Variants in ANKH observed in about 807,000 individuals in gnomAD.
ANKH encodes ANKH inorganic pyrophosphate transport regulator, also known as mineralization regulator ANKH.
A neutral mutation model predicts 49.0 loss-of-function variants in ANKH; 15 were observed. The observed-to-expected ratio is 0.31, with a 90% CI of 0.20 to 0.47. ANKH has a LOEUF of 0.47. Ranked by LOEUF, ANKH falls within the 20% of genes least tolerant of loss-of-function variation. ANKH has a pLI of 1.00. For missense variants in ANKH, 429 were observed against 652.0 expected (o/e 0.66, Z 3.72); for synonymous variants, 273 against 260.0 (o/e 1.05, Z -0.48).
chr5:14,848,669 T>C (rs1742038606), intron 1 of ANKH, among the ~76,000 whole-genome samples: 1 of 152,188 alleles, frequency 6.6e-6, no homozygotes. Flanking sequence ...CCTGTGCAGC[T>C]AAGTGCCTGG....
intron 8 of ANKH, among the ~76,000 whole-genome samples, chr5:14,731,251 G>T (rs1460831646): frequency 6.6e-6 from 1 of 152,142 alleles, no homozygotes; most frequent in African/African-American, 2.4e-5. Flanking sequence ...CGGGCTGAAG[G>T]GGCAGCCTGG....
At chr5:14,798,544 A>T (rs964827741) in intron 1 of ANKH, 2 of 640,798 alleles carry the variant, frequency 3.1e-6, no homozygotes, top group African/African-American at 3.7e-5. Context: ...GTGTCAAGCA[A>T]GTCTATTGGC....
At chr5:14,738,755 A>T (rs1265163873) in intron 8 of ANKH, among the ~76,000 whole-genome samples, 5 of 152,116 alleles carry the variant, frequency 3.3e-5, no homozygotes, top group Non-Finnish European at 5.9e-5. Flanking sequence ...CAGTTAAAAA[A>T]AAAAACCCAA....
chr5:14,752,889 A>C (rs138920862), intron 4 of ANKH, among the ~76,000 whole-genome samples: 1 of 152,300 alleles, frequency 6.6e-6, no homozygotes, highest in Non-Finnish European at 1.5e-5. Flanking sequence ...AGTGAGTAGA[A>C]GCCACCCTCC....
In ANKH at chr5:14,742,287, T is replaced by A. The variant is rs559889467; in HGVS notation, c.916-365A>T. The stretch of plus-strand genomic sequence containing the variant: ...ACCCTGTGCCTGGCCACCATCGGCA[T>A]CTCCCTAAATGCCATGGCCCTGCTC... On this transcript the variant is annotated intron_variant, in intron 7 of 11. Coordinates refer to ENST00000284268, the MANE Select transcript of ANKH (RefSeq NM_054027.6). 6.6e-4 allele frequency among the ~76,000 whole-genome samples: 100 copies of A among 152,268 alleles called. 2 individuals carry two copies. The highest frequency in any genetic ancestry group is 3.3e-4 in the Admixed American group (5 of 15,306).
intron 1 of ANKH, 33 bp downstream of exon 1, chr5:14,871,319 C>T (rs1267521893): frequency 1.3e-6 from 2 of 1,590,832 alleles, no homozygotes; most frequent in East Asian, 2.2e-5. Flanking sequence ...CAAGGCAGGG[C>T]GAGCGGGCGT....
At chr5:14,810,307 G>A (rs370083094) in intron 1 of ANKH, among the ~76,000 whole-genome samples, 4 of 151,930 alleles carry the variant, frequency 2.6e-5, no homozygotes, top group East Asian at 1.9e-4. Context: ...ACAGGCGCCC[G>A]CCACCAGGCC....
intron 1 of ANKH, among the ~76,000 whole-genome samples, chr5:14,850,868 G>C (rs1410553625): frequency 6.6e-6 from 1 of 152,044 alleles, no homozygotes; most frequent in Non-Finnish European, 1.5e-5. Flanking sequence ...AGCCCTCATC[G>C]AGTTTTTTTT....
intron 1 of ANKH, among the ~76,000 whole-genome samples, chr5:14,861,576 C>T (rs761782051): frequency 3.3e-5 from 5 of 152,172 alleles, no homozygotes; most frequent in African/African-American, 9.7e-5. Flanking sequence ...GTGGCAGTGC[C>T]TGTCACCTCC....
chr5:14,781,883 CA>C (rs1410929450), intron 1 of ANKH, among the ~76,000 whole-genome samples: 1 of 152,170 alleles, frequency 6.6e-6, no homozygotes, highest in African/African-American at 2.4e-5. Context: ...GTTAACATCT[CA>C]AGATTCTGTC....
At chr5:14,819,886 C>A (rs1205071989) in intron 1 of ANKH, among the ~76,000 whole-genome samples, 1 of 133,432 alleles carries the variant, frequency 7.5e-6, no homozygotes, top group Non-Finnish European at 1.6e-5. Flanking sequence ...ACAACAACAA[C>A]AACAACAAAA....
At chr5:14,767,761 T>C (rs826188) in intron 2 of ANKH, among the ~76,000 whole-genome samples, 66,850 of 152,014 alleles carry the variant, frequency 0.44, 15,120 homozygotes, top group Admixed American at 0.49. Context: ...GGAAGCCCCT[T>C]ATTTTACAAA....
chr5:14,868,284 A>G (rs1308362748), intron 1 of ANKH: 2 of 152,236 alleles, frequency 1.3e-5, no homozygotes, highest in Non-Finnish European at 2.9e-5. Flanking sequence ...GATATTTATC[A>G]TCATAAAACA....
chr5:14,716,924 T>C, intron 8 of ANKH, 89 bp from the exon 9 acceptor site: 1 of 1,553,264 alleles, frequency 6.4e-7, no homozygotes, highest in Middle Eastern at 1.7e-4. Context: ...CCTTGGAGAG[T>C]TACGAAAGAG....
chr5:14,801,283 C>T (rs1740560052), intron 1 of ANKH, among the ~76,000 whole-genome samples: 1 of 152,050 alleles, frequency 6.6e-6, no homozygotes, highest in Non-Finnish European at 1.5e-5. Context: ...CCTTAAATTC[C>T]CTATGACCTC....
chr5:14,750,470 T>C (rs1409389680), intron 5 of ANKH, among the ~76,000 whole-genome samples: 2 of 152,244 alleles, frequency 1.3e-5, no homozygotes, highest in Non-Finnish European at 2.9e-5. Flanking sequence ...TATATCCTCA[T>C]GCAGGTGATG....
intron 1 of ANKH, among the ~76,000 whole-genome samples, chr5:14,793,007 A>AAAAAT (rs796261030): frequency 8.8e-5 from 7 of 79,724 alleles, no homozygotes; most frequent in East Asian, 3.6e-4. Context: ...TATATATATA[A>AAAAAT]ATATATATAT....
chr5:14,860,040 C>T (rs566021370), intron 1 of ANKH, among the ~76,000 whole-genome samples: 8 of 152,340 alleles, frequency 5.3e-5, no homozygotes, highest in African/African-American at 1.7e-4. Flanking sequence ...GCCAGGAAAT[C>T]TGCCCACGTT....
At chr5:14,814,065 T>C (rs1039888659) in intron 1 of ANKH, among the ~76,000 whole-genome samples, 3 of 152,196 alleles carry the variant, frequency 2.0e-5, no homozygotes, top group Non-Finnish European at 4.4e-5. Flanking sequence ...CAAGGTCAAG[T>C]TCAGATGCTA....
Sources: gnomAD v4.1 joint callset for allele counts (sites outside exome capture counted in the v4.1 genomes callset) on GRCh38, gnomAD v4.1.1 for gene constraint, MANE v1.5 for transcripts, NCBI Gene and HGNC (gene_info 2026-07-23, HGNC 2026-07-21) for gene names.